The following UHRF1 variants were observed in gnomAD, a reference collection of about 807,000 sequenced individuals.
UHRF1 encodes the protein E3 ubiquitin-protein ligase UHRF1.
In UHRF1, 9 loss-of-function variants were observed where a neutral mutation model predicts 96.5. The observed-to-expected ratio is 0.09, with a 90% CI of 0.06 to 0.16. The LOEUF is 0.16. Ranked by LOEUF, UHRF1 falls within the 10% of genes least tolerant of loss-of-function variation. The probability of loss-of-function intolerance (pLI) is 1.00; values close to 1 mark genes in which losing one functional copy is unlikely to be tolerated. For missense variants in UHRF1, 626 were observed against 1,131.1 expected, an observed-to-expected ratio of 0.55 and a Z score of 6.40; for synonymous variants, 455 against 469.9, an observed-to-expected ratio of 0.97 and a Z score of 0.41.
chr19:4,960,531 A>G (rs2033961241), intron 16 of UHRF1, 126 bp from the exon 17 acceptor site: 10 of 1,351,996 alleles, frequency 7.4e-6, no homozygotes, highest in Non-Finnish European at 1.0e-5. Flanking sequence ...GCAGGTGGAA[A>G]GTGAGACTGA....
chr19:4,938,342 A>G lies in UHRF1; in HGVS notation c.786-3186A>G, dbSNP rs190375844. Among the ~76,000 whole-genome samples the G allele has an allele frequency of 1.7e-3, 260 of 151,972 alleles. 2 individuals carry two copies. The highest frequency in any genetic ancestry group is 5.7e-3 in the African/African-American group (235 of 41,468). On this transcript the variant is annotated intron_variant, in intron 5 of 16. Coordinates refer to ENST00000650932, the MANE Select transcript of UHRF1 (RefSeq NM_001048201.3). ...AGCCGGTTTCTCTGAGCATAAAGTCATTTGTATTATTTCCTTATTCTCTGA... is the reference window on the plus strand; with the variant it reads ...AGCCGGTTTCTCTGAGCATAAAGTCGTTTGTATTATTTCCTTATTCTCTGA...
At position 4,954,044 on chromosome 19, in the gene UHRF1, G is replaced by A. The variant is rs1357000681; in HGVS notation, c.1819-306G>A. On this transcript the variant is annotated intron_variant, in intron 13 of 16. Coordinates refer to ENST00000650932, the MANE Select transcript of UHRF1 (RefSeq NM_001048201.3). The surrounding 1 kb of genome is among the most constrained non-coding windows in gnomAD (Gnocchi z 5.9). The stretch of plus-strand genomic sequence containing the variant: ...GCAGTGTGCGTGATGTGAGGTGGCT[G>A]TAAAGGGGGAGGAAGGGGCCCCGAG... 6.6e-6 allele frequency among the ~76,000 whole-genome samples: 1 copy of A among 152,164 alleles called. No individual in the cohort carries two copies. Among genetic ancestry groups the A allele is most frequent in the East Asian group, 1.9e-4 (1 of 5,178 alleles).
At chr19:4,943,113 G>A (rs543544717) in intron 7 of UHRF1, among the ~76,000 whole-genome samples, 52 of 151,900 alleles carry the variant, frequency 3.4e-4, no homozygotes, top group Middle Eastern at 3.4e-3. Flanking sequence ...GGTGCCACGC[G>A]CCTGTAATCC....
chr19:4,929,259 G>A lies in UHRF1; in HGVS notation c.191G>A (p.Arg64His). 1.2e-6 allele frequency: 2 copies of A among 1,613,838 alleles called. No individual in the cohort carries two copies. The highest frequency in any genetic ancestry group is 8.5e-7 in the Non-Finnish European group (1 of 1,179,866). ...DGHTLFDYEV[R>H]LNDTIQLLVR... The stretch of plus-strand genomic sequence containing the variant: ...CATACCCTCTTCGACTACGAGGTCC[G>A]CCTGAATGACACCATCCAGCTCCTG... Residue 64 changes from arginine (R) to histidine (H), a missense_variant, in exon 3 of 17, where the codon CGC (arginine) becomes CAC (histidine). Arg to His is a conservative substitution (Grantham distance 29). Around this residue, in one of 11 missense-constraint regions of UHRF1, gnomAD observed 53 missense variants for 95.9 expected, o/e 0.55. Transcript: ENST00000650932.
intron 5 of UHRF1, among the ~76,000 whole-genome samples, chr19:4,940,585 T>C (rs998135278): frequency 6.6e-6 from 1 of 151,780 alleles, no homozygotes; most frequent in African/African-American, 2.4e-5. Flanking sequence ...CATGCTAGTC[T>C]CGAAGTCCTG....
chr19:4,945,909 C>A lies in UHRF1; in HGVS notation c.1354C>A (p.Arg452=). ...HRPHVAGIHG[R]SNDGAYSLVL... is the part of the protein sequence containing the mutation. ...GCCCCACGTGGCTGGCATACACGGCCGGAGCAACGACGGAGCGTACTCCCT... is the reference window on the plus strand; with the variant it reads ...GCCCCACGTGGCTGGCATACACGGCAGGAGCAACGACGGAGCGTACTCCCT... The change falls in exon 10 of 17, where the codon CGG becomes AGG. Residue 452 remains arginine, a synonymous_variant. Coordinates refer to ENST00000650932, the MANE Select transcript of UHRF1 (RefSeq NM_001048201.3). The A allele has an allele frequency of 6.3e-7, 1 of 1,587,844 alleles. No individual in the cohort carries two copies. The highest frequency in any genetic ancestry group is 1.1e-5 in the South Asian group (1 of 89,770).
At chr19:4,948,057 T>C (rs79174441) in intron 11 of UHRF1, among the ~76,000 whole-genome samples, 6,249 of 147,012 alleles carry the variant, frequency 0.043, 450 homozygotes, top group African/African-American at 0.15. Context: ...TGGGCTGAGA[T>C]TGCACCACTG....
intron 2 of UHRF1, among the ~76,000 whole-genome samples, chr19:4,913,310 G>A (rs2032358453): frequency 6.9e-6 from 1 of 144,688 alleles, no homozygotes; most frequent in African/African-American, 2.6e-5. Flanking sequence ...CTGGAGTGCA[G>A]TGGCTCGATC....
chr19:4,942,047 G>C, intron 7 of UHRF1, 116 bp downstream of exon 7: 37 of 1,189,110 alleles, frequency 3.1e-5, no homozygotes, highest in Non-Finnish European at 3.9e-5. Context: ...TGCAATCCCA[G>C]TGCTTTGGGA....
At chr19:4,943,067 G>A (rs970375744) in intron 7 of UHRF1, among the ~76,000 whole-genome samples, 9 of 151,702 alleles carry the variant, frequency 5.9e-5, no homozygotes, top group African/African-American at 1.5e-4. Context: ...GTGAAACCCC[G>A]TCTCTACTAA....
intron 2 of UHRF1, among the ~76,000 whole-genome samples, chr19:4,927,403 A>AT (rs1555747779): frequency 1.8e-3 from 248 of 136,110 alleles, no homozygotes; most frequent in African/African-American, 6.9e-3. Context: ...AAAAAAAAAA[A>AT]TTTTTTTCTG....
At chr19:4,933,055 G>T in intron 5 of UHRF1, 99 bp downstream of exon 5, 1 of 1,330,030 alleles carries the variant, frequency 7.5e-7, no homozygotes, top group East Asian at 2.5e-5. Flanking sequence ...CGCTGTGTGT[G>T]CGAGGCCCTT....
intron 7 of UHRF1, among the ~76,000 whole-genome samples, chr19:4,943,234 GTC>G (rs201611047): frequency 0.014 from 2,102 of 151,726 alleles, 54 homozygotes; most frequent in African/African-American, 0.048. Context: ...GTGAGACTAA[GTC>G]TCAAAAACAA....
chr19:4,904,614 GC>G (rs2032027673), upstream of UHRF1, among the ~76,000 whole-genome samples: 3 of 152,194 alleles, frequency 2.0e-5, no homozygotes, highest in African/African-American at 7.2e-5. Context: ...ACCACGCCTG[GC>G]TGACATTTCT....
Position 4,956,698 on chromosome 19 carries a change from C to G in UHRF1, c.2131-11C>G, listed in dbSNP as rs370652947. Reference sequence around the variant, plus strand: ...GGTGTCTTTGCCGGCCTCACACCCGCTTCCCTCTAGTTCCAGTTGTTCCTG... The same window carrying G: ...GGTGTCTTTGCCGGCCTCACACCCGGTTCCCTCTAGTTCCAGTTGTTCCTG... On this transcript the variant is annotated splice_polypyrimidine_tract_variant and intron_variant, in intron 15 of 16. Transcript: ENST00000650932. 11 of 1,595,636 alleles carry G rather than the reference C, an allele frequency of 6.9e-6. No homozygotes were observed. The African/African-American group carries it at 1.2e-4, about 17-fold the overall frequency.
chr19:4,915,111 T>G (rs1292969441), intron 2 of UHRF1, among the ~76,000 whole-genome samples: 1 of 152,228 alleles, frequency 6.6e-6, no homozygotes, highest in Non-Finnish European at 1.5e-5. Context: ...AAGGCAGGAT[T>G]AAGGTCAGTC....
upstream of UHRF1, chr19:4,909,431 C>T (rs1351030671): frequency 6.1e-6 from 4 of 651,300 alleles, no homozygotes; most frequent in South Asian, 1.6e-5. Flanking sequence ...AGGAGGCAGG[C>T]GCCCGCCCCC....
At chr19:4,920,852 G>A (rs373545635) in intron 2 of UHRF1, among the ~76,000 whole-genome samples, 3 of 152,138 alleles carry the variant, frequency 2.0e-5, no homozygotes, top group Non-Finnish European at 4.4e-5. Context: ...AGGGCCACGC[G>A]CGGTGGCTCA....
In UHRF1 at chr19:4,957,664, C is replaced by G. The variant is rs549752442; in HGVS notation, c.2235+851C>G. ...GGGGCCAGGACAGGGTCTCTTCCCC[C>G]CTGTGCTGTGGGCCTTGGGGCTGGA... On this transcript the variant is annotated intron_variant, in intron 16 of 16. Transcript: ENST00000650932. Among the ~76,000 whole-genome samples, 19 of 152,314 alleles carry G rather than the reference C, an allele frequency of 1.2e-4. No homozygotes were observed. The South Asian group carries it at 3.1e-3, about 25-fold the overall frequency.
Sources: allele counts gnomAD v4.1 joint callset (sites outside exome capture counted in the v4.1 genomes callset), GRCh38; gene constraint gnomAD v4.1.1; regional missense constraint gnomAD v4.1.1; non-coding constraint Gnocchi (gnomAD v3.1); transcripts MANE v1.5; gene names NCBI Gene and HGNC (gene_info 2026-07-23, HGNC 2026-07-21).